TOX: variants seen among roughly 807,000 people sequenced by gnomAD.
The protein encoded by TOX is thymocyte selection associated high mobility group box.
Under a neutral mutation model 53.7 loss-of-function variants are expected in TOX, and 11 were observed. The observed-to-expected ratio is 0.20, with a 90% CI of 0.13 to 0.34. The LOEUF (loss-of-function observed/expected upper bound fraction) is 0.34. TOX is among the 10% of genes least tolerant of loss of function. TOX has a pLI of 1.00. For missense variants in TOX, 570 were observed against 664.6 expected (o/e 0.86, Z 1.56); for synonymous variants, 225 against 245.3 (o/e 0.92, Z 0.77).
At chr8:59,044,038 A>T (rs962255817) in intron 1 of TOX, among the ~76,000 whole-genome samples, 1 of 152,110 alleles carries the variant, frequency 6.6e-6, no homozygotes, top group Non-Finnish European at 1.5e-5. Flanking sequence ...GAACCCACCA[A>T]ATTCTCTGTA....
intron 7 of TOX, 130 bp downstream of exon 7, chr8:58,815,208 C>T: frequency 7.9e-7 from 1 of 1,257,990 alleles, no homozygotes; most frequent in Non-Finnish European, 1.1e-6. Flanking sequence ...CTTTAGTGCT[C>T]TCTTGACTTA....
chr8:59,059,183 T>A (rs768374616), intron 1 of TOX, among the ~76,000 whole-genome samples: 1 of 152,202 alleles, frequency 6.6e-6, no homozygotes, highest in Non-Finnish European at 1.5e-5. Flanking sequence ...TTGCTCTAAG[T>A]AATTGTCTTC....
At chr8:59,045,166 C>T (rs966734019) in intron 1 of TOX, among the ~76,000 whole-genome samples, 1 of 152,048 alleles carries the variant, frequency 6.6e-6, no homozygotes, top group African/African-American at 2.4e-5. Flanking sequence ...CTGTTCTTTT[C>T]TACTTTCCCA....
intron 3 of TOX, among the ~76,000 whole-genome samples, chr8:58,855,914 A>AAAAAGAGGGG (rs1810906470): frequency 6.6e-6 from 1 of 152,200 alleles, no homozygotes; most frequent in Admixed American, 6.5e-5. Flanking sequence ...TAAAGTTATT[A>AAAAAGAGGGG]AAAAGAGGGG....
At chr8:58,885,097 A>G (rs1811443953) in intron 3 of TOX, among the ~76,000 whole-genome samples, 1 of 152,160 alleles carries the variant, frequency 6.6e-6, no homozygotes, top group South Asian at 2.1e-4. Context: ...CCTTTTACAG[A>G]AGATAGCACT....
chr8:58,952,305 G>T (rs534355940), intron 2 of TOX, among the ~76,000 whole-genome samples: 1 of 152,140 alleles, frequency 6.6e-6, no homozygotes, highest in South Asian at 2.1e-4. Flanking sequence ...AACTAGCATA[G>T]ACAGGTGACA....
At chr8:58,838,367 A>T (rs921361559) in intron 4 of TOX, 56 bp from the exon 5 acceptor site, 1 of 1,459,650 alleles carries the variant, frequency 6.9e-7, no homozygotes, top group Non-Finnish European at 9.5e-7. Context: ...TGGGGACAAG[A>T]CATATCGTTG....
At chr8:59,107,182 T>A (rs1241968019) in intron 1 of TOX, among the ~76,000 whole-genome samples, 2 of 152,120 alleles carry the variant, frequency 1.3e-5, no homozygotes, top group Non-Finnish European at 2.9e-5. Context: ...GGTAAGTGAC[T>A]TTTTTAATCA....
At chr8:58,975,243 T>TACACAC (rs201542310) in intron 1 of TOX, among the ~76,000 whole-genome samples, 1 of 88,478 alleles carries the variant, frequency 1.1e-5, no homozygotes, top group African/African-American at 3.4e-5. Context: ...GTGATATATA[T>TACACAC]ATACACACAC....
chr8:58,997,514 C>A (rs1813583136), intron 1 of TOX, among the ~76,000 whole-genome samples: 1 of 152,178 alleles, frequency 6.6e-6, no homozygotes, highest in African/African-American at 2.4e-5. Flanking sequence ...GCAAGTGGAA[C>A]AACTATATTC....
At chr8:59,116,550 T>C (rs1805102055) in intron 1 of TOX, among the ~76,000 whole-genome samples, 1 of 152,202 alleles carries the variant, frequency 6.6e-6, no homozygotes, top group Non-Finnish European at 1.5e-5. Context: ...AAAACTCAAG[T>C]GCCTGGGATT....
At chr8:58,837,766 C>CT (rs1018739430) in intron 5 of TOX, among the ~76,000 whole-genome samples, 2 of 151,902 alleles carry the variant, frequency 1.3e-5, no homozygotes, top group Non-Finnish European at 2.9e-5. Context: ...ACTTTTAGGA[C>CT]TTTTTTTTCA....
At chr8:58,876,226 T>C (rs1811280849) in intron 3 of TOX, among the ~76,000 whole-genome samples, 1 of 152,064 alleles carries the variant, frequency 6.6e-6, no homozygotes, top group Admixed American at 6.6e-5. Flanking sequence ...CAAATGGAAA[T>C]ACAGATATTT....
intron 3 of TOX, among the ~76,000 whole-genome samples, chr8:58,938,955 G>C (rs116884787): frequency 6.6e-6 from 1 of 152,156 alleles, no homozygotes; most frequent in African/African-American, 2.4e-5. Context: ...CTCCCTTTTG[G>C]GGAGGAATCC....
At chr8:59,046,833 T>C (rs1408046845) in intron 1 of TOX, among the ~76,000 whole-genome samples, 1 of 114,394 alleles carries the variant, frequency 8.7e-6, no homozygotes, top group African/African-American at 3.4e-5. Context: ...CACTCCAGCC[T>C]GGGAGACAGA....
intron 1 of TOX, among the ~76,000 whole-genome samples, chr8:59,069,435 C>T (rs375517079): frequency 1.3e-5 from 2 of 152,060 alleles, no homozygotes; most frequent in African/African-American, 2.4e-5. Context: ...TTATAGATGC[C>T]TAAGTGGCAG....
intron 6 of TOX, among the ~76,000 whole-genome samples, chr8:58,825,212 A>T (rs921423127): frequency 1.3e-5 from 2 of 152,098 alleles, no homozygotes; most frequent in African/African-American, 2.4e-5. Context: ...TAACCTGGAG[A>T]GGATGTTTGT....
intron 2 of TOX, among the ~76,000 whole-genome samples, chr8:58,941,036 T>C (rs975019477): frequency 2.0e-5 from 3 of 152,190 alleles, no homozygotes; most frequent in African/African-American, 7.2e-5. Flanking sequence ...TTCTTAAATA[T>C]CTAAAGTTCT....
At chr8:59,026,313 A>G (rs545328339) in intron 1 of TOX, among the ~76,000 whole-genome samples, 1 of 152,272 alleles carries the variant, frequency 6.6e-6, no homozygotes, top group African/African-American at 2.4e-5. Context: ...AGTAACTAGC[A>G]AAGTCATGGA....
Sources: allele counts gnomAD v4.1 joint callset (sites outside exome capture counted in the v4.1 genomes callset), GRCh38; gene constraint gnomAD v4.1.1; transcripts MANE v1.5; gene names NCBI Gene and HGNC (gene_info 2026-07-23, HGNC 2026-07-21).